SMC1B: variants seen among roughly 807,000 people sequenced by gnomAD.
SMC1B encodes the protein structural maintenance of chromosomes protein 1B.
SMC1B carries 60 observed loss-of-function variants against 157.9 expected under a neutral mutation model. The ratio of observed to expected loss-of-function variants is 0.38; its 90% CI spans 0.31 to 0.47. SMC1B has a LOEUF of 0.47. Ranked by LOEUF, SMC1B falls within the 20% of genes least tolerant of loss-of-function variation. The probability of loss-of-function intolerance (pLI) is 0.99; values close to 1 mark genes in which losing one functional copy is unlikely to be tolerated. For missense variants in SMC1B, 1,165 were observed against 1,426.2 expected, an observed-to-expected ratio of 0.82 and a Z score of 2.95; for synonymous variants, 445 against 483.0, an observed-to-expected ratio of 0.92 and a Z score of 1.03.
chr22:45,408,949 C>A (rs568386074), intron 1 of SMC1B, 51 bp from the exon 2 acceptor site: 4 of 1,153,658 alleles, frequency 3.5e-6, no homozygotes, highest in African/African-American at 3.2e-5. Flanking sequence ...ATAAAAAGCC[C>A]TACCCAGAGC....
intron 21 of SMC1B, among the ~76,000 whole-genome samples, chr22:45,353,570 T>C (rs1371824358): frequency 6.6e-6 from 1 of 152,118 alleles, no homozygotes; most frequent in Non-Finnish European, 1.5e-5. Context: ...TCTCTTTTGT[T>C]ACTCTGGTCA....
chr22:45,349,844 T>C (rs768070683), intron 22 of SMC1B, 47 bp from the exon 23 acceptor site: 23 of 1,420,674 alleles, frequency 1.6e-5, no homozygotes, highest in South Asian at 2.4e-5. Context: ...CTATTTGTTT[T>C]ACAAAAGACT....
At chr22:45,383,176 CTATT>C (rs1374774093) in intron 12 of SMC1B, among the ~76,000 whole-genome samples, 2 of 151,458 alleles carry the variant, frequency 1.3e-5, no homozygotes, top group Non-Finnish European at 2.9e-5. Flanking sequence ...GCTGCAAACA[CTATT>C]TATAGCAACA....
At chr22:45,386,379 T>C (rs2086989459) in intron 11 of SMC1B, among the ~76,000 whole-genome samples, 1 of 147,412 alleles carries the variant, frequency 6.8e-6, no homozygotes. Flanking sequence ...TCCCTCAAGA[T>C]ACTTGTATTT....
Position 45,344,655 on chromosome 22 carries a change from G to C in SMC1B, c.3609C>G (p.Tyr1203Ter). 6.2e-7 allele frequency: 1 copy of C among 1,610,246 alleles called. No homozygotes were observed. Among genetic ancestry groups the C allele is most frequent in the African/African-American group, 1.3e-5 (1 of 74,982 alleles). Reference sequence around the variant, plus strand: ...AAACTCGGCTGAACATGCAGTCATCGTACTAAAATGGAGAGAAGACAGTTA... The same window carrying C: ...AAACTCGGCTGAACATGCAGTCATCCTACTAAAATGGAGAGAAGACAGTTA... Reference protein sequence around the residue: ...ADALIGIYPEYDDCMFSRVLT... With the variant: ...ADALIGIYPE Residue 1203 changes from tyrosine (Y) to a stop codon, truncating the protein, a stop_gained and splice_region_variant, in exon 25 of 25, where the codon TAC (tyrosine) becomes TAG (stop). Transcript: ENST00000357450. LOFTEE classifies it low-confidence loss of function (END_TRUNC).
chr22:45,408,563 G>T, intron 2 of SMC1B, 147 bp downstream of exon 2: 1 of 523,252 alleles, frequency 1.9e-6, no homozygotes. Flanking sequence ...TCTGTTACTT[G>T]CTTCTGAGAT....
intron 5 of SMC1B, among the ~76,000 whole-genome samples, chr22:45,399,791 G>C (rs1429928232): frequency 6.6e-6 from 1 of 152,206 alleles, no homozygotes; most frequent in Admixed American, 6.5e-5. Flanking sequence ...AGTGGAGTCT[G>C]TAAGACTAAA....
At chr22:45,399,402 A>T in intron 5 of SMC1B, 49 bp from the exon 6 acceptor site, 1 of 1,496,876 alleles carries the variant, frequency 6.7e-7, no homozygotes, top group African/African-American at 1.4e-5. Context: ...TTTCTTTAAT[A>T]TATAAAGGGA....
rs746619556 is a variant in SMC1B, at chr22:45,359,971, A to C, written c.2709-13T>G. On this transcript the variant is annotated splice_polypyrimidine_tract_variant and intron_variant, in intron 17 of 24. Transcript: ENST00000357450. Reference sequence around the variant, plus strand: ...TTTCCCCACTTCCCTGTAATTACACAGATATGAAAAAGTAATTTTACTCAT... The same window carrying C: ...TTTCCCCACTTCCCTGTAATTACACCGATATGAAAAAGTAATTTTACTCAT... 6.2e-7 allele frequency: 1 copy of C among 1,607,526 alleles called. No individual in the cohort carries two copies. Among genetic ancestry groups the C allele is most frequent in the South Asian group, 1.1e-5 (1 of 90,530 alleles).
rs761446336 is a variant in SMC1B at position 45,393,821 on chromosome 22, T to A, written c.1358A>T (p.Lys453Ile). 6 of 1,610,142 alleles carry A rather than the reference T, an allele frequency of 3.7e-6. No homozygotes were observed. Among genetic ancestry groups the A allele is most frequent in the Non-Finnish European group, 5.1e-6 (6 of 1,178,034 alleles). The change falls in exon 9 of 25, where the codon AAA (lysine) becomes ATA (isoleucine). Residue 453 changes from lysine (K) to isoleucine (I), a missense_variant. Lys to Ile is a moderately radical substitution (Grantham distance 102). Transcript: ENST00000357450. ...ATCCACTAGGGTTTCCTCTTGCTGT[T>A]TTTTCTCTTTCAAGCAATCCCTACA... ...KTCMDCLKEK[K>I]QQEETLVDEI...
rs1011841013 is a variant in SMC1B at position 45,388,163 on chromosome 22, T to A, written c.1732-1117A>T. Among the ~76,000 whole-genome samples the A allele has an allele frequency of 3.9e-5, 6 of 152,114 alleles. No individual in the cohort carries two copies. In the South Asian group the frequency reaches 1.2e-3, roughly 32 times the overall value. Reference sequence around the variant, plus strand: ...AGATCACAAAGTGTCTGCAATATATTACCAAAACCCAGCAAGTATGATCTC... The same window carrying A: ...AGATCACAAAGTGTCTGCAATATATAACCAAAACCCAGCAAGTATGATCTC... On this transcript the variant is annotated intron_variant, in intron 10 of 24. Coordinates refer to ENST00000357450, the MANE Select transcript of SMC1B (RefSeq NM_148674.5).
At chr22:45,346,814 G>C (rs965603442) in intron 23 of SMC1B, among the ~76,000 whole-genome samples, 1 of 152,210 alleles carries the variant, frequency 6.6e-6, no homozygotes, top group East Asian at 1.9e-4. Context: ...TCACAAGAGG[G>C]AGTGGAGGGT....
chr22:45,395,649 G>A (rs2146835570), intron 7 of SMC1B, among the ~76,000 whole-genome samples: 1 of 152,272 alleles, frequency 6.6e-6, no homozygotes, highest in African/African-American at 2.4e-5. Flanking sequence ...CCTGAGGTCA[G>A]GAGTTCAAGA....
chr22:45,375,903 A>G (rs2086879448), intron 12 of SMC1B, among the ~76,000 whole-genome samples: 2 of 152,118 alleles, frequency 1.3e-5, no homozygotes, highest in Admixed American at 6.6e-5. Context: ...TGTACTATAT[A>G]TTTTATATTA....
At position 45,399,143 on chromosome 22, in the gene SMC1B, C is replaced by T. The variant is rs1159791262; in HGVS notation, c.1065G>A (p.Glu355=). The T allele has an allele frequency of 1.9e-6, 3 of 1,613,730 alleles. No homozygotes were observed. Among genetic ancestry groups the T allele is most frequent in the Non-Finnish European group, 8.5e-7 (1 of 1,179,974 alleles). ...CTCGCTTTTTATGTAAAATTTCTTC[C>T]TCAATCTGCTTTTCAAAACTTCTCC... is the stretch of plus-strand genomic sequence containing the variant. ...AAWRSFEKQI[E]EEILHKKRDI... is the part of the protein sequence containing the mutation. Residue 355 remains glutamate (E), a synonymous_variant, in exon 6 of 25, where the codon GAG becomes GAA. Transcript: ENST00000357450.
At chr22:45,369,580 TC>T (rs1201900279) in intron 15 of SMC1B, among the ~76,000 whole-genome samples, 1 of 142,472 alleles carries the variant, frequency 7.0e-6, no homozygotes, top group East Asian at 2.2e-4. Flanking sequence ...TCTCGCTCCA[TC>T]GTCCAGGCTG....
chr22:45,352,416 C>A, intron 22 of SMC1B, 35 bp downstream of exon 22: 2 of 1,590,024 alleles, frequency 1.3e-6, no homozygotes, highest in South Asian at 2.3e-5. Flanking sequence ...GGCTTCTGCC[C>A]TGATATGAAA....
chr22:45,409,697 AT>A (rs2087309272), intron 1 of SMC1B, among the ~76,000 whole-genome samples: 1 of 152,188 alleles, frequency 6.6e-6, no homozygotes, highest in South Asian at 2.1e-4. Context: ...GAAAATTTAT[AT>A]AGCAGGCTTG....
intron 1 of SMC1B, among the ~76,000 whole-genome samples, chr22:45,410,724 T>C (rs1324319912): frequency 6.6e-6 from 1 of 151,932 alleles, no homozygotes; most frequent in Non-Finnish European, 1.5e-5. Flanking sequence ...AATAATTAAT[T>C]AATTTTCAAT....
Sources: gnomAD v4.1 joint callset for allele counts (sites outside exome capture counted in the v4.1 genomes callset) on GRCh38, gnomAD v4.1.1 for gene constraint, MANE v1.5 for transcripts, NCBI Gene and HGNC (gene_info 2026-07-23, HGNC 2026-07-21) for gene names.